The following NFIA variants were observed in gnomAD, a reference collection of about 807,000 sequenced individuals.
NFIA encodes the protein nuclear factor 1 A-type.
A neutral mutation model predicts 62.8 loss-of-function variants in NFIA; 8 were observed. That is an observed-to-expected ratio of 0.13 (90% CI 0.07 to 0.23). The LOEUF is 0.23. Ranked by LOEUF, NFIA falls within the 10% of genes least tolerant of loss-of-function variation. NFIA has a pLI of 1.00. For missense variants in NFIA, 410 were observed against 642.1 expected (o/e 0.64, Z 3.91); for synonymous variants, 235 against 238.1 (o/e 0.99, Z 0.12).
At chr1:61,233,413 G>A (rs1025957295) in intron 2 of NFIA, among the ~76,000 whole-genome samples, 6 of 152,150 alleles carry the variant, frequency 3.9e-5, no homozygotes, top group African/African-American at 1.4e-4. Context: ...AGAAAGTTCC[G>A]TAAGTTGACC....
At chr1:61,208,606 C>T (rs1404881291) in intron 2 of NFIA, among the ~76,000 whole-genome samples, 2 of 152,030 alleles carry the variant, frequency 1.3e-5, no homozygotes, top group South Asian at 2.1e-4. Flanking sequence ...TTCTGAGATC[C>T]AGTTTGCTGT....
At position 61,184,425 on chromosome 1, in the gene NFIA, G is replaced by A. The variant is rs1005431880; in HGVS notation, c.560-93095G>A. 5.3e-5 allele frequency among the ~76,000 whole-genome samples: 8 copies of A among 152,218 alleles called. 1 individual carries two copies. The highest frequency in any genetic ancestry group is 1.2e-4 in the African/African-American group (5 of 41,450). On this transcript the variant is annotated intron_variant, in intron 2 of 10. Transcript: ENST00000403491. The stretch of plus-strand genomic sequence containing the variant: ...CTTTACCTTGTTTTGCATGCCAAAT[G>A]TTCTTGCTGAATGTGTCTAGCAGAC...
intron 9 of NFIA, among the ~76,000 whole-genome samples, chr1:61,413,834 G>T (rs1569814990): frequency 6.6e-6 from 1 of 151,530 alleles, no homozygotes; most frequent in African/African-American, 2.4e-5. Flanking sequence ...CGCCATATTG[G>T]CCAGGCTGGT....
chr1:61,145,880 G>T (rs1231543679), intron 2 of NFIA, among the ~76,000 whole-genome samples: 1 of 152,132 alleles, frequency 6.6e-6, no homozygotes, highest in Non-Finnish European at 1.5e-5. Context: ...AGTCACTGCC[G>T]ATTTAATTCA....
At chr1:61,177,120 A>G (rs1019248952) in intron 2 of NFIA, among the ~76,000 whole-genome samples, 2 of 152,064 alleles carry the variant, frequency 1.3e-5, no homozygotes, top group East Asian at 1.9e-4. Flanking sequence ...AAAAAAAAAA[A>G]AGAGAGAGAT....
chr1:61,324,169 T>C (rs923679187), intron 3 of NFIA, among the ~76,000 whole-genome samples: 1 of 152,160 alleles, frequency 6.6e-6, no homozygotes, highest in Non-Finnish European at 1.5e-5. Context: ...AGGTAAACTT[T>C]TCTTTAGAAG....
At chr1:61,288,846 C>T (rs1454330315) in intron 3 of NFIA, among the ~76,000 whole-genome samples, 1 of 152,160 alleles carries the variant, frequency 6.6e-6, no homozygotes, top group East Asian at 1.9e-4. Context: ...TGGCTCACTG[C>T]AGCCTCAACC....
chr1:61,241,868 C>G (rs1179015023), intron 2 of NFIA, among the ~76,000 whole-genome samples: 1 of 151,978 alleles, frequency 6.6e-6, no homozygotes, highest in African/African-American at 2.4e-5. Context: ...TGGTCATTTT[C>G]TTTACCTTAT....
intron 2 of NFIA, among the ~76,000 whole-genome samples, chr1:61,124,572 G>A (rs1464802911): frequency 6.6e-6 from 1 of 152,124 alleles, no homozygotes; most frequent in African/African-American, 2.4e-5. Flanking sequence ...CCAGTTCCAC[G>A]TTTGTTGTGT....
chr1:61,289,094 A>G (rs1323384057), intron 3 of NFIA, among the ~76,000 whole-genome samples: 2 of 152,112 alleles, frequency 1.3e-5, no homozygotes, highest in African/African-American at 4.8e-5. Context: ...AATTTTGACC[A>G]TGCCAATGGA....
intron 2 of NFIA, among the ~76,000 whole-genome samples, chr1:61,182,209 C>T (rs1236133673): frequency 6.6e-6 from 1 of 152,194 alleles, no homozygotes; most frequent in African/African-American, 2.4e-5. Flanking sequence ...TCCACCAGGG[C>T]AGCAGGAGGA....
intron 2 of NFIA, among the ~76,000 whole-genome samples, chr1:61,091,650 T>G (rs1646321988): frequency 6.6e-6 from 1 of 152,218 alleles, no homozygotes; most frequent in South Asian, 2.1e-4. Context: ...TCTTTGTGGG[T>G]GTGTAACAGT....
chr1:61,262,104 G>A (rs183214103), intron 2 of NFIA, among the ~76,000 whole-genome samples: 2 of 152,020 alleles, frequency 1.3e-5, no homozygotes, highest in African/African-American at 2.4e-5. Context: ...GACTTTTAAT[G>A]TTGTTCTATA....
At chr1:61,122,165 CA>C (rs1255341188) in intron 2 of NFIA, among the ~76,000 whole-genome samples, 1 of 152,080 alleles carries the variant, frequency 6.6e-6, no homozygotes, top group African/African-American at 2.4e-5. Context: ...TATTTGTGGC[CA>C]TTTTTTTAAT....
intron 2 of NFIA, among the ~76,000 whole-genome samples, chr1:61,270,870 C>T (rs1657460982): frequency 6.6e-6 from 1 of 152,166 alleles, no homozygotes; most frequent in South Asian, 2.1e-4. Flanking sequence ...CACAGCGCCT[C>T]TTATGGGGAA....
chr1:61,351,222 T>G (rs1343688072), intron 4 of NFIA, among the ~76,000 whole-genome samples: 1 of 152,216 alleles, frequency 6.6e-6, no homozygotes, highest in Non-Finnish European at 1.5e-5. Context: ...CTCTATCAGA[T>G]GACTTCGCAG....
At chr1:61,227,828 T>C (rs186171806) in intron 2 of NFIA, among the ~76,000 whole-genome samples, 1 of 152,352 alleles carries the variant, frequency 6.6e-6, no homozygotes, top group Admixed American at 6.5e-5. Flanking sequence ...TCTGGTATCA[T>C]AAGCAGGTGT....
chr1:61,094,458 A>G lies in NFIA; in HGVS notation c.559+5778A>G, dbSNP rs17121596. 0.012 allele frequency among the ~76,000 whole-genome samples: 1,896 copies of G among 152,334 alleles called. 101 individuals carry two copies. In the East Asian group the frequency reaches 0.18, roughly 15 times the overall value. ...ATAGCTTTTTTCAGACTAAGACACTATTTAGAGCTTTGGGAGTTTTTATTC... is the reference window on the plus strand; with the variant it reads ...ATAGCTTTTTTCAGACTAAGACACTGTTTAGAGCTTTGGGAGTTTTTATTC... On this transcript the variant is annotated intron_variant, in intron 2 of 10. Transcript: ENST00000403491.
chr1:61,395,699 A>G (rs974904868), intron 7 of NFIA, among the ~76,000 whole-genome samples: 14 of 152,212 alleles, frequency 9.2e-5, no homozygotes, highest in African/African-American at 3.1e-4. Flanking sequence ...CACATCAGCC[A>G]TCATGGAAGC....
Sources: allele counts gnomAD v4.1 joint callset (sites outside exome capture counted in the v4.1 genomes callset), GRCh38; gene constraint gnomAD v4.1.1; transcripts MANE v1.5; gene names NCBI Gene and HGNC (gene_info 2026-07-23, HGNC 2026-07-21).